NRG4: variants seen among roughly 807,000 people sequenced by gnomAD.
NRG4 encodes the protein neuregulin 4.
A neutral mutation model predicts 15.0 loss-of-function variants in NRG4; 10 were observed. That is an observed-to-expected ratio of 0.67 (90% CI 0.41 to 1.13). NRG4 has a LOEUF of 1.13. Ranked by LOEUF, NRG4 falls within the 50% of genes most tolerant of loss-of-function variation. The probability of loss-of-function intolerance (pLI) is 0.00; values close to 1 mark genes in which losing one functional copy is unlikely to be tolerated. For synonymous variants in NRG4, 41 were observed against 50.1 expected, an observed-to-expected ratio of 0.82 and a Z score of 0.77; for missense variants, 139 against 140.2, an observed-to-expected ratio of 0.99 and a Z score of 0.04.
chr15:75,979,886 T>C lies in NRG4; in HGVS notation c.105-17912A>G, dbSNP rs76039024. 1.2e-4 allele frequency among the ~76,000 whole-genome samples: 19 copies of C among 152,320 alleles called. No individual in the cohort carries two copies. The East Asian group carries it at 1.7e-3, about 14-fold the overall frequency. On this transcript the variant is annotated intron_variant, in intron 3 of 5. Transcript: ENST00000394907. ...CAAATTACAAAGAGTTCATCTGAAA[T>C]TGTACTGCAAATGGTAACTGAACCT...
chr15:75,947,524 T>G (rs1052284130), intron 5 of NRG4, among the ~76,000 whole-genome samples: 5 of 152,372 alleles, frequency 3.3e-5, no homozygotes, highest in African/African-American at 9.6e-5. Context: ...ATCTCTGTTT[T>G]GTGTCTCTTG....
intron 3 of NRG4, among the ~76,000 whole-genome samples, chr15:76,004,564 A>T: frequency 6.7e-6 from 1 of 149,776 alleles, no homozygotes; most frequent in Non-Finnish European, 1.5e-5. Flanking sequence ...ACGCCATTGC[A>T]CTCCAGCCTG....
chr15:75,968,168 C>G (rs1304542314), intron 3 of NRG4, among the ~76,000 whole-genome samples: 1 of 152,126 alleles, frequency 6.6e-6, no homozygotes, highest in African/African-American at 2.4e-5. Context: ...TGAGACAAAA[C>G]TTTATAATTT....
chr15:75,967,164 T>C (rs1595965327), intron 3 of NRG4, among the ~76,000 whole-genome samples: 1 of 151,184 alleles, frequency 6.6e-6, no homozygotes, highest in East Asian at 1.9e-4. Context: ...CAAACAAATG[T>C]TGCCAAAATC....
intron 3 of NRG4, among the ~76,000 whole-genome samples, chr15:75,981,270 G>A (rs1048110257): frequency 1.3e-5 from 2 of 152,164 alleles, no homozygotes; most frequent in African/African-American, 2.4e-5. Context: ...ATCCTCTGGG[G>A]AGAGAGACCT....
intron 4 of NRG4, among the ~76,000 whole-genome samples, chr15:76,037,172 A>AT (rs1428324109): frequency 6.6e-6 from 1 of 152,230 alleles, no homozygotes; most frequent in East Asian, 1.9e-4. Context: ...CCTACCAATC[A>AT]TCCCCCCTGC....
intron 3 of NRG4, among the ~76,000 whole-genome samples, chr15:75,978,652 T>C (rs1269715288): frequency 6.6e-6 from 1 of 152,170 alleles, no homozygotes; most frequent in African/African-American, 2.4e-5. Context: ...CTAGTTTCAT[T>C]CCCAATAGTG....
In NRG4 at chr15:76,024,591, C is replaced by T. The variant is rs146873134; in HGVS notation, c.-57+11353G>A. Among the ~76,000 whole-genome samples, 426 of 152,306 alleles carry T rather than the reference C, an allele frequency of 2.8e-3. 2 individuals carry two copies. The highest frequency in any genetic ancestry group is 4.7e-3 in the Admixed American group (72 of 15,304). On this transcript the variant is annotated intron_variant, in intron 5 of 8. Coordinates refer to the NRG4 transcript ENST00000563910. ...CTCAGACTGGCTGAGCAACCAGGTGCCTGTGCCACCAGCCAGAGTAACAAC... is the reference window on the plus strand; with the variant it reads ...CTCAGACTGGCTGAGCAACCAGGTGTCTGTGCCACCAGCCAGAGTAACAAC...
intron 5 of NRG4, among the ~76,000 whole-genome samples, chr15:76,022,004 C>T (rs1353530579): frequency 6.6e-6 from 1 of 152,130 alleles, no homozygotes; most frequent in Non-Finnish European, 1.5e-5. Flanking sequence ...CTCACATGTG[C>T]AGTTCACAAT....
intron 4 of NRG4, among the ~76,000 whole-genome samples, chr15:76,042,756 C>A (rs577989373): frequency 2.0e-5 from 3 of 152,076 alleles, no homozygotes; most frequent in Admixed American, 2.0e-4. Flanking sequence ...CAATACTACT[C>A]AAACTATTCT....
At chr15:75,954,311 T>C (rs191217975) in intron 5 of NRG4, among the ~76,000 whole-genome samples, 1 of 152,134 alleles carries the variant, frequency 6.6e-6, no homozygotes, top group East Asian at 1.9e-4. Flanking sequence ...CTCTGGAAGT[T>C]TGGTTTGGGT....
intron 3 of NRG4, among the ~76,000 whole-genome samples, chr15:75,985,875 G>C (rs2033782623): frequency 6.6e-6 from 1 of 152,144 alleles, no homozygotes; most frequent in Admixed American, 6.5e-5. Context: ...CAAACTAGAA[G>C]AGAATGTTTG....
At chr15:76,010,630 T>C (rs1286634404) in intron 2 of NRG4, among the ~76,000 whole-genome samples, 1 of 152,136 alleles carries the variant, frequency 6.6e-6, no homozygotes, top group African/African-American at 2.4e-5. Context: ...ATGAATGCTT[T>C]TAGATTTTTT....
At chr15:75,997,946 T>C (rs960317258) in intron 3 of NRG4, among the ~76,000 whole-genome samples, 2 of 152,214 alleles carry the variant, frequency 1.3e-5, no homozygotes, top group African/African-American at 4.8e-5. Context: ...CACATAGTTA[T>C]TGGACACTAA....
chr15:75,966,621 G>A (rs530131769), intron 3 of NRG4, among the ~76,000 whole-genome samples: 4 of 152,258 alleles, frequency 2.6e-5, no homozygotes, highest in African/African-American at 7.2e-5. Context: ...GCTAACCAAA[G>A]GGAGATGCAA....
intron 3 of NRG4, among the ~76,000 whole-genome samples, chr15:75,982,857 C>T (rs1465069684): frequency 5.3e-5 from 8 of 152,182 alleles, no homozygotes; most frequent in Admixed American, 5.2e-4. Context: ...ACATCTCTAA[C>T]GGACACCTGA....
intron 3 of NRG4, among the ~76,000 whole-genome samples, chr15:75,979,585 C>T (rs373448433): frequency 6.6e-6 from 1 of 152,040 alleles, no homozygotes; most frequent in East Asian, 1.9e-4. Flanking sequence ...TTAATCATAA[C>T]TGAATTGCAT....
chr15:76,047,618 G>C lies in NRG4; in HGVS notation c.-105+4449C>G, dbSNP rs2035903303. 1.3e-5 allele frequency among the ~76,000 whole-genome samples: 2 copies of C among 150,388 alleles called. 1 individual carries two copies. The highest frequency in any genetic ancestry group is 5.0e-5 in the African/African-American group (2 of 40,142). On this transcript the variant is annotated intron_variant, in intron 4 of 8. Transcript: ENST00000563910. ...AATGGTGGTTACCAAAGGCCATTAAGGATAGAGGAGAGGGAAGGATAAAGG... is the reference window on the plus strand; with the variant it reads ...AATGGTGGTTACCAAAGGCCATTAACGATAGAGGAGAGGGAAGGATAAAGG...
chr15:76,013,770 C>A (rs2034889689), upstream of NRG4, among the ~76,000 whole-genome samples: 2 of 152,126 alleles, frequency 1.3e-5, no homozygotes, highest in Non-Finnish European at 2.9e-5. Flanking sequence ...GGTTCCAAGT[C>A]TTTGCTATTG....
Sources: gnomAD v4.1 joint callset for allele counts (sites outside exome capture counted in the v4.1 genomes callset) on GRCh38, gnomAD v4.1.1 for gene constraint, MANE v1.5 for transcripts, NCBI Gene and HGNC (gene_info 2026-07-23, HGNC 2026-07-21) for gene names.